Variants in XKR6 observed in about 807,000 individuals in gnomAD.
The protein encoded by XKR6 is XK related 6, also known as XK-related protein 6.
Under a neutral mutation model 56.7 loss-of-function variants are expected in XKR6, and 22 were observed. That is an observed-to-expected ratio of 0.39 (90% CI 0.28 to 0.55). The LOEUF (loss-of-function observed/expected upper bound fraction) is 0.55. Ranked by LOEUF, XKR6 falls within the 20% of genes least tolerant of loss-of-function variation. The probability of loss-of-function intolerance (pLI) is 0.66; values close to 1 mark genes in which losing one functional copy is unlikely to be tolerated. For missense variants in XKR6, 852 were observed against 889.0 expected, an observed-to-expected ratio of 0.96 and a Z score of 0.53; for synonymous variants, 524 against 387.8, an observed-to-expected ratio of 1.35 and a Z score of -4.13.
intron 2 of XKR6, among the ~76,000 whole-genome samples, chr8:10,906,481 A>G (rs1183226966): frequency 1.3e-5 from 2 of 152,268 alleles, no homozygotes; most frequent in Admixed American, 6.5e-5. Flanking sequence ...AAGCAACAAA[A>G]AAAGCAATCT....
At chr8:11,198,920 A>C (rs567648836) in intron 1 of XKR6, among the ~76,000 whole-genome samples, 18 of 143,856 alleles carry the variant, frequency 1.3e-4, no homozygotes, top group African/African-American at 3.3e-4. Flanking sequence ...GCCCCCGCCC[A>C]AAAAAAAAAA....
intron 1 of XKR6, among the ~76,000 whole-genome samples, chr8:11,084,618 G>A (rs1797825771): frequency 6.6e-6 from 1 of 152,192 alleles, no homozygotes; most frequent in Non-Finnish European, 1.5e-5. Context: ...CCACCCACCA[G>A]CCTGGTGCAT....
At chr8:10,919,350 A>T (rs34741518) in intron 2 of XKR6, among the ~76,000 whole-genome samples, 15 of 152,082 alleles carry the variant, frequency 9.9e-5, no homozygotes, top group Middle Eastern at 3.4e-3. Flanking sequence ...TCCAACCCCA[A>T]CCAGTTGTCT....
Position 11,184,616 on chromosome 8 carries a change from G to A in XKR6, c.764+15960C>T, listed in dbSNP as rs917046186. Among the ~76,000 whole-genome samples the A allele has an allele frequency of 2.0e-5, 3 of 152,030 alleles. No homozygotes were observed. In the East Asian group the frequency reaches 5.8e-4, roughly 29 times the overall value. ...AAGAACTTACAAAACATACTGACCTGTTTCGATGAAAACATTTCTGGTTTG... is the reference window on the plus strand; with the variant it reads ...AAGAACTTACAAAACATACTGACCTATTTCGATGAAAACATTTCTGGTTTG... On this transcript the variant is annotated intron_variant, in intron 1 of 2. Coordinates refer to ENST00000416569, the MANE Select transcript of XKR6 (RefSeq NM_173683.4).
At chr8:11,157,914 C>G (rs1801601916) in intron 1 of XKR6, among the ~76,000 whole-genome samples, 1 of 152,124 alleles carries the variant, frequency 6.6e-6, no homozygotes, top group African/African-American at 2.4e-5. Context: ...GCCAGTTATC[C>G]AATCTCCATC....
At chr8:11,151,880 A>T (rs1038131007) in intron 1 of XKR6, among the ~76,000 whole-genome samples, 2 of 152,120 alleles carry the variant, frequency 1.3e-5, no homozygotes, top group Non-Finnish European at 2.9e-5. Context: ...AATTTTGGCT[A>T]TGTAAAAGCA....
chr8:11,010,315 T>C (rs1008399428), intron 1 of XKR6, among the ~76,000 whole-genome samples: 5 of 152,166 alleles, frequency 3.3e-5, no homozygotes, highest in African/African-American at 4.8e-5. Context: ...GAATTACAAT[T>C]TGACATGAGA....
At chr8:11,025,106 C>T (rs1271586801) in intron 1 of XKR6, among the ~76,000 whole-genome samples, 1 of 152,188 alleles carries the variant, frequency 6.6e-6, no homozygotes, top group Non-Finnish European at 1.5e-5. Flanking sequence ...TGGAGCATGT[C>T]ACAGAGGGGT....
At position 11,024,011 on chromosome 8, in the gene XKR6, C is replaced by T. The variant is rs373411542; in HGVS notation, c.765-99181G>A. Among the ~76,000 whole-genome samples the T allele has an allele frequency of 5.9e-5, 9 of 152,282 alleles. 1 individual carries two copies. Among genetic ancestry groups the T allele is most frequent in the African/African-American group, 2.2e-4 (9 of 41,554 alleles). Reference sequence around the variant, plus strand: ...GTCCTTGGATGTATTTCTTCACATGCGTCACAACACCACGCAGCCCTATAC... The same window carrying T: ...GTCCTTGGATGTATTTCTTCACATGTGTCACAACACCACGCAGCCCTATAC... On this transcript the variant is annotated intron_variant, in intron 1 of 2. Transcript: ENST00000416569.
intron 1 of XKR6, among the ~76,000 whole-genome samples, chr8:11,026,505 A>G: frequency 1.3e-5 from 2 of 148,586 alleles, no homozygotes; most frequent in East Asian, 4.0e-4. Flanking sequence ...GGTCTAGCCT[A>G]CTACACACTT....
intron 1 of XKR6, among the ~76,000 whole-genome samples, chr8:11,144,855 G>A (rs1395075074): frequency 6.6e-6 from 1 of 151,576 alleles, no homozygotes; most frequent in Non-Finnish European, 1.5e-5. Context: ...GGGAAGGGAA[G>A]GGAGGGGTAG....
chr8:11,187,864 G>A (rs1194327447), intron 1 of XKR6, among the ~76,000 whole-genome samples: 1 of 152,180 alleles, frequency 6.6e-6, no homozygotes, highest in African/African-American at 2.4e-5. Flanking sequence ...GGATGAACAT[G>A]TCCCAGGATA....
intron 1 of XKR6, among the ~76,000 whole-genome samples, chr8:11,087,396 G>T (rs1463672505): frequency 1.3e-5 from 2 of 152,184 alleles, no homozygotes; most frequent in South Asian, 4.1e-4. Flanking sequence ...ATTCCAATTT[G>T]CTCATGTCAA....
In XKR6 at chr8:11,156,901, A is replaced by G. The variant is rs1355471177; in HGVS notation, c.764+43675T>C. On this transcript the variant is annotated intron_variant, in intron 1 of 2. Coordinates refer to ENST00000416569, the MANE Select transcript of XKR6 (RefSeq NM_173683.4). ...AGGCTACACTTAGGAACTTGCTTCC[A>G]AGGAAGATGGGGGAAAAGGCAAAGA... is the stretch of plus-strand genomic sequence containing the variant. 2.6e-5 allele frequency among the ~76,000 whole-genome samples: 4 copies of G among 152,206 alleles called. No homozygotes were observed. In the East Asian group the frequency reaches 7.7e-4, roughly 29 times the overall value.
intron 1 of XKR6, chr8:11,124,029 C>T: frequency 2.2e-6 from 1 of 456,184 alleles, no homozygotes; most frequent in East Asian, 7.0e-5. Flanking sequence ...AAATCCCAAG[C>T]AATCTCTAGG....
chr8:11,056,101 C>G (rs1799677607), intron 1 of XKR6, among the ~76,000 whole-genome samples: 1 of 152,170 alleles, frequency 6.6e-6, no homozygotes. Context: ...GACGTCCCGA[C>G]TCCTCCTGGA....
chr8:10,978,027 G>A (rs1017623509), intron 1 of XKR6, among the ~76,000 whole-genome samples: 1 of 151,996 alleles, frequency 6.6e-6, no homozygotes, highest in African/African-American at 2.4e-5. Flanking sequence ...AACCTAGTGG[G>A]TCTGCCTTAT....
At chr8:11,045,706 G>T (rs566998132) in intron 1 of XKR6, among the ~76,000 whole-genome samples, 1 of 152,216 alleles carries the variant, frequency 6.6e-6, no homozygotes, top group Admixed American at 6.5e-5. Flanking sequence ...ACCACATCAG[G>T]TCTTTCTCCT....
At chr8:11,085,846 T>C (rs747427566) in intron 1 of XKR6, among the ~76,000 whole-genome samples, 6 of 152,194 alleles carry the variant, frequency 3.9e-5, no homozygotes, top group Non-Finnish European at 8.8e-5. Flanking sequence ...GGCCTGCAGA[T>C]GCCCTACCTT....
Sources: allele counts gnomAD v4.1 joint callset (sites outside exome capture counted in the v4.1 genomes callset), GRCh38; gene constraint gnomAD v4.1.1; transcripts MANE v1.5; gene names NCBI Gene and HGNC (gene_info 2026-07-23, HGNC 2026-07-21).